GDF11: variants seen among roughly 807,000 people sequenced by gnomAD.
GDF11 encodes growth differentiation factor 11.
Under a neutral mutation model 34.4 loss-of-function variants are expected in GDF11, and 12 were observed. The ratio of observed to expected loss-of-function variants is 0.35; its 90% CI spans 0.22 to 0.57. The LOEUF (loss-of-function observed/expected upper bound fraction) is 0.57. Among genes scored for constraint, GDF11 ranks in the 20% least tolerant of loss-of-function variants. The probability of loss-of-function intolerance (pLI) is 0.86; values close to 1 mark genes in which losing one functional copy is unlikely to be tolerated. For missense variants in GDF11, 346 were observed against 548.2 expected, an observed-to-expected ratio of 0.63 and a Z score of 3.68; for synonymous variants, 212 against 231.1, an observed-to-expected ratio of 0.92 and a Z score of 0.75.
In GDF11 at chr12:55,748,177, C is replaced by T. The variant is rs998836787; in HGVS notation, c.446-409C>T. ...TACCTGTCCAGCAGATAAATCAGAG[C>T]AGATAGGGGAAAGGTGATGGAAGGG... On this transcript the variant is annotated intron_variant, in intron 1 of 2. Transcript: ENST00000257868. The surrounding 1 kb of genome is among the most constrained non-coding windows in gnomAD (Gnocchi z 5.6). Among the ~76,000 whole-genome samples, 1 of 152,070 alleles carries T rather than the reference C, an allele frequency of 6.6e-6. No homozygotes were observed. The highest frequency in any genetic ancestry group is 2.4e-5 in the African/African-American group (1 of 41,386).
In GDF11 at chr12:55,750,452, T is replaced by A. The variant is rs531849511; in HGVS notation, c.*570T>A. 3 of 152,132 alleles carry A rather than the reference T, an allele frequency of 2.0e-5. No individual in the cohort carries two copies. Among genetic ancestry groups the A allele is most frequent in the African/African-American group, 7.2e-5 (3 of 41,390 alleles). 9.4% of individuals were successfully genotyped at this position (152,132 alleles called of 1,614,324 possible). A position where few individuals can be genotyped will look rare whatever the true frequency, so the allele number is the denominator to read the frequency against. On this transcript the variant is annotated 3_prime_UTR_variant, in exon 3 of 3. Coordinates refer to ENST00000257868, the MANE Select transcript of GDF11 (RefSeq NM_005811.5). Reference sequence around the variant, plus strand: ...GGCAGGGGCAAAAAGATTTGGGAATTTTTATTTATTTATTTATTGTGACTT... The same window carrying A: ...GGCAGGGGCAAAAAGATTTGGGAATATTTATTTATTTATTTATTGTGACTT...
chr12:55,757,215 T>C lies in GDF11; in HGVS notation c.*7333T>C. ...TAATATTTGCCCCTGAAGCTCCCCT[T>C]ATCTGGTCTAATCTAGCTCCAATAA... On this transcript the variant is annotated 3_prime_UTR_variant, in exon 3 of 3. Transcript: ENST00000257868. 2 of 240,840 alleles carry C rather than the reference T, an allele frequency of 8.3e-6. No homozygotes were observed. Among genetic ancestry groups the C allele is most frequent in the South Asian group, 1.0e-4 (1 of 9,560 alleles). The allele number at this position is 240,840 out of a possible 1,614,324, so 14.9% of individuals were successfully genotyped here.
In GDF11 at chr12:55,755,353, T is replaced by TG. The variant is rs1878474071; in HGVS notation, c.*5473dup. ...GGGGCTGGGCAGTTTAGAGTGAGAG[T>TG]GGAAAAAAAGAATAATCCTAGAGAA... is the stretch of plus-strand genomic sequence containing the variant. On this transcript the variant is annotated 3_prime_UTR_variant, in exon 3 of 3. Coordinates refer to ENST00000257868, the MANE Select transcript of GDF11 (RefSeq NM_005811.5). 1 of 151,190 alleles carries TG rather than the reference T, an allele frequency of 6.6e-6. No individual in the cohort carries two copies. Among genetic ancestry groups the TG allele is most frequent in the Non-Finnish European group, 1.5e-5 (1 of 67,848 alleles). 9.4% of individuals were successfully genotyped at this position (151,190 alleles called of 1,614,324 possible). A position where few individuals can be genotyped will look rare whatever the true frequency, so the allele number is the denominator to read the frequency against.
At position 55,743,383 on chromosome 12, in the gene GDF11, G is replaced by A; in HGVS notation, c.67G>A (p.Glu23Lys). 2 of 988,290 alleles carry A rather than the reference G, an allele frequency of 2.0e-6. No individual in the cohort carries two copies. Among genetic ancestry groups the A allele is most frequent in the Non-Finnish European group, 2.4e-6 (2 of 833,882 alleles). The allele number at this position is 988,290 out of a possible 1,614,324, so 61.2% of individuals were successfully genotyped here. ...CGCCCTGGAGCTGCGGCCCCGGGGGGAGGCGGCCGAGGGCCCCGCGGCGGC... is the reference window on the plus strand; with the variant it reads ...CGCCCTGGAGCTGCGGCCCCGGGGGAAGGCGGCCGAGGGCCCCGCGGCGGC... Reference protein sequence around the residue: ...LLALELRPRGEAAEGPAAAAA... With the variant: ...LLALELRPRGKAAEGPAAAAA... Residue 23 changes from glutamate to lysine, a missense_variant, in exon 1 of 3, where the codon GAG (glutamate) becomes AAG (lysine). Glu to Lys is a moderately conservative substitution (Grantham distance 56). Coordinates refer to ENST00000257868, the MANE Select transcript of GDF11 (RefSeq NM_005811.5).
chr12:55,748,315 A>C lies in GDF11; in HGVS notation c.446-271A>C, dbSNP rs150186220. On this transcript the variant is annotated intron_variant, in intron 1 of 2. Transcript: ENST00000257868. The surrounding 1 kb of genome is among the most constrained non-coding windows in gnomAD (Gnocchi z 5.6). Reference sequence around the variant, plus strand: ...CAGTAAGGATGGTGGTGGATGAATAATTTTGCAGGTTATCTGGTAGACAGG... The same window carrying C: ...CAGTAAGGATGGTGGTGGATGAATACTTTTGCAGGTTATCTGGTAGACAGG... 3.1e-3 allele frequency among the ~76,000 whole-genome samples: 475 copies of C among 152,316 alleles called. 4 individuals are homozygous for C. The highest frequency in any genetic ancestry group is 0.011 in the African/African-American group (444 of 41,552).
rs1220978779 is a variant in GDF11, at chr12:55,753,367, ATTC to A, written c.*3488_*3490del. On this transcript the variant is annotated 3_prime_UTR_variant, in exon 3 of 3. Coordinates refer to ENST00000257868, the MANE Select transcript of GDF11 (RefSeq NM_005811.5). Reference sequence around the variant, plus strand: ...GAGTGGCTAAAATAGCATCTCAAATATTCTTTCAGTTCACTGTAAAAATTTTTC... The same window carrying A: ...GAGTGGCTAAAATAGCATCTCAAATATTTCAGTTCACTGTAAAAATTTTTC... The A allele has an allele frequency of 6.6e-6, 1 of 152,228 alleles. No homozygotes were observed. The highest frequency in any genetic ancestry group is 1.5e-5 in the Non-Finnish European group (1 of 68,042). 9.4% of individuals were successfully genotyped at this position (152,228 alleles called of 1,614,324 possible).
Position 55,751,243 on chromosome 12 carries a change from G to A in GDF11, c.*1361G>A, listed in dbSNP as rs186464338. 5 of 152,422 alleles carry A rather than the reference G, an allele frequency of 3.3e-5. No individual in the cohort carries two copies. Among genetic ancestry groups the A allele is most frequent in the Admixed American group, 3.3e-4 (5 of 15,302 alleles). The allele number at this position is 152,422 out of a possible 1,614,324, so 9.4% of individuals were successfully genotyped here. ...GAATCTAACAGTACCTGGCAGCAGG[G>A]AGGGGAAAGTACAGTGGGGAAAAGC... On this transcript the variant is annotated 3_prime_UTR_variant, in exon 3 of 3. Transcript: ENST00000257868.
chr12:55,749,374 T>A lies in GDF11; in HGVS notation c.844-128T>A. The A allele has an allele frequency of 1.0e-6, 1 of 984,048 alleles. No individual in the cohort carries two copies. Among genetic ancestry groups the A allele is most frequent in the Non-Finnish European group, 1.5e-6 (1 of 670,798 alleles). 61.0% of individuals were successfully genotyped at this position (984,048 alleles called of 1,614,324 possible). ...GTGGGCAAAAGATAAATTCTGGGGG[T>A]GGGAGCAATGGAAAAGCTGAGAAGT... On this transcript the variant is annotated intron_variant, in intron 2 of 2. Transcript: ENST00000257868. The surrounding 1 kb of genome is among the most constrained non-coding windows in gnomAD (Gnocchi z 5.6).
chr12:55,755,518 G>A lies in GDF11; in HGVS notation c.*5636G>A, dbSNP rs2136172301. 1 of 152,266 alleles carries A rather than the reference G, an allele frequency of 6.6e-6. No individual in the cohort carries two copies. Among genetic ancestry groups the A allele is most frequent in the African/African-American group, 2.4e-5 (1 of 41,520 alleles). The allele number at this position is 152,266 out of a possible 1,614,324, so 9.4% of individuals were successfully genotyped here. Reference sequence around the variant, plus strand: ...AATCAGTTAACCACATCTGGATGCTGGATCAACTATAGTAGGGAAACGGGG... The same window carrying A: ...AATCAGTTAACCACATCTGGATGCTAGATCAACTATAGTAGGGAAACGGGG... On this transcript the variant is annotated 3_prime_UTR_variant, in exon 3 of 3. Transcript: ENST00000257868.
In GDF11 at chr12:55,754,244, G is replaced by C. The variant is rs964209229; in HGVS notation, c.*4362G>C. The C allele has an allele frequency of 6.6e-6, 1 of 152,162 alleles. No homozygotes were observed. Among genetic ancestry groups the C allele is most frequent in the Non-Finnish European group, 1.5e-5 (1 of 68,026 alleles). 9.4% of individuals were successfully genotyped at this position (152,162 alleles called of 1,614,324 possible). A position where few individuals can be genotyped will look rare whatever the true frequency, so the allele number is the denominator to read the frequency against. ...GGTTTTCTCTCCCTGTGGCTCATTT[G>C]TTTCCTATATTGAGAGAACACCCAA... On this transcript the variant is annotated 3_prime_UTR_variant, in exon 3 of 3. Coordinates refer to ENST00000257868, the MANE Select transcript of GDF11 (RefSeq NM_005811.5).
intron 1 of GDF11, among the ~76,000 whole-genome samples, chr12:55,745,442 G>C (rs1878161433): frequency 1.3e-5 from 2 of 151,872 alleles, no homozygotes; most frequent in African/African-American, 4.8e-5. Context: ...CGGTGGGAAG[G>C]GGACACCAGC....
intron 1 of GDF11, among the ~76,000 whole-genome samples, chr12:55,746,058 CCTCT>C (rs1010600551): frequency 1.3e-5 from 2 of 152,052 alleles, no homozygotes; most frequent in African/African-American, 2.4e-5. Context: ...AGTGCAGTGA[CCTCT>C]CTCTCCCACC....
At position 55,748,593 on chromosome 12, in the gene GDF11, A is replaced by T. The variant is rs1207168322; in HGVS notation, c.453A>T (p.Pro151=). Residue 151 remains proline, a synonymous_variant, in exon 2 of 3, where the codon CCA becomes CCT. Transcript: ENST00000257868. The surrounding 1 kb of genome is among the most constrained non-coding windows in gnomAD (Gnocchi z 5.6). ...GCCCTTCTCTCTTATCAGCGGACCC[A>T]GCAGTACAGACAGATGGCAGCCCTC... ...TVISMAQETD[P]AVQTDGSPLC... 2 of 1,610,552 alleles carry T rather than the reference A, an allele frequency of 1.2e-6. No individual in the cohort carries two copies. Among genetic ancestry groups the T allele is most frequent in the African/African-American group, 1.3e-5 (1 of 74,898 alleles).
In GDF11 at chr12:55,748,384, C is replaced by A. The variant is rs1020750752; in HGVS notation, c.446-202C>A. ...AATGGATTAGGAAATGGACACAGATCAGTAAGGCCTTATAGGGCCATCATC... is the reference window on the plus strand; with the variant it reads ...AATGGATTAGGAAATGGACACAGATAAGTAAGGCCTTATAGGGCCATCATC... On this transcript the variant is annotated intron_variant, in intron 1 of 2. Transcript: ENST00000257868. The surrounding 1 kb of genome is among the most constrained non-coding windows in gnomAD (Gnocchi z 5.6). Among the ~76,000 whole-genome samples the A allele has an allele frequency of 6.6e-6, 1 of 152,178 alleles. No individual in the cohort carries two copies. Among genetic ancestry groups the A allele is most frequent in the African/African-American group, 2.4e-5 (1 of 41,434 alleles).
At chr12:55,744,248 T>C (rs971749630) in intron 1 of GDF11, among the ~76,000 whole-genome samples, 2 of 152,166 alleles carry the variant, frequency 1.3e-5, no homozygotes, top group African/African-American at 4.8e-5. Context: ...AACTGTGTGC[T>C]TTCTCCCAAG....
intron 1 of GDF11, among the ~76,000 whole-genome samples, chr12:55,745,850 C>T (rs1401933362): frequency 6.6e-6 from 1 of 151,774 alleles, no homozygotes; most frequent in African/African-American, 2.4e-5. Flanking sequence ...CCTGGGAACC[C>T]AGCCCCCTGC....
rs117839207 is a variant in GDF11, at chr12:55,745,378, C to A, written c.445+1617C>A. Among the ~76,000 whole-genome samples, 125 of 152,050 alleles carry A rather than the reference C, an allele frequency of 8.2e-4. 1 individual carries two copies. In the East Asian group the frequency reaches 0.02, roughly 24 times the overall value. On this transcript the variant is annotated intron_variant, in intron 1 of 2. Coordinates refer to ENST00000257868, the MANE Select transcript of GDF11 (RefSeq NM_005811.5). ...AGTTAGCTCTGGTAATGGGGATACA[C>A]GAAGTGAAGGGACCCTGCCTTCATG... is the stretch of plus-strand genomic sequence containing the variant.
rs1366242559 is a variant in GDF11, at chr12:55,751,567, G to C, written c.*1685G>C. ...GACAGATAACCAGGGCACCAGAGTA[G>C]TGGTGAAGAGATGTGAGGCTTAAGA... On this transcript the variant is annotated 3_prime_UTR_variant, in exon 3 of 3. Transcript: ENST00000257868. 6.6e-6 allele frequency: 1 copy of C among 152,242 alleles called. No individual in the cohort carries two copies. The highest frequency in any genetic ancestry group is 1.5e-5 in the Non-Finnish European group (1 of 68,060). The allele number at this position is 152,242 out of a possible 1,614,324, so 9.4% of individuals were successfully genotyped here. A position where few individuals can be genotyped will look rare whatever the true frequency, so the allele number is the denominator to read the frequency against.
chr12:55,749,696 G>C lies in GDF11; in HGVS notation c.1038G>C (p.Glu346Asp), dbSNP rs779705439. The C allele has an allele frequency of 6.2e-7, 1 of 1,614,124 alleles. No individual in the cohort carries two copies. Among genetic ancestry groups the C allele is most frequent in the Non-Finnish European group, 8.5e-7 (1 of 1,180,038 alleles). The change falls in exon 3 of 3, where the codon GAG becomes GAC. Residue 346 changes from glutamate (E) to aspartate (D), a missense_variant. Transcript: ENST00000257868. This position sits in a 1 kb window ranked among gnomAD's most constrained non-coding sequence, Gnocchi z 5.6. ...CCAACTACTGCTCCGGCCAGTGCGAGTACATGTTCATGCAAAAATATCCGC... is the reference window on the plus strand; with the variant it reads ...CCAACTACTGCTCCGGCCAGTGCGACTACATGTTCATGCAAAAATATCCGC... ...YKANYCSGQCEYMFMQKYPHT... is the reference protein window; with the variant it reads ...YKANYCSGQCDYMFMQKYPHT...
Sources: gnomAD v4.1 joint callset for allele counts (sites outside exome capture counted in the v4.1 genomes callset) on GRCh38, gnomAD v4.1.1 for gene constraint, Gnocchi (gnomAD v3.1) non-coding constraint, MANE v1.5 for transcripts, NCBI Gene and HGNC (gene_info 2026-07-23, HGNC 2026-07-21) for gene names.